PLGRKT: variants seen among roughly 807,000 people sequenced by gnomAD.
PLGRKT encodes the protein plasminogen receptor (KT).
A neutral mutation model predicts 18.5 loss-of-function variants in PLGRKT; 22 were observed. The ratio of observed to expected loss-of-function variants is 1.19; its 90% confidence interval spans 0.85 to 1.70. The LOEUF (loss-of-function observed/expected upper bound fraction) is 1.70. Among genes scored for constraint, PLGRKT ranks in the 40% most tolerant of loss-of-function variants. The probability of loss-of-function intolerance (pLI) is 0.00; values close to 1 mark genes in which losing one functional copy is unlikely to be tolerated. For missense variants in PLGRKT, 235 were observed against 174.4 expected, an observed-to-expected ratio of 1.35 and a Z score of -1.96; for synonymous variants, 72 against 52.8, an observed-to-expected ratio of 1.36 and a Z score of -1.58.
chr9:5,411,394 A>AAAAAAG (rs924847834), intron 3 of PLGRKT, among the ~76,000 whole-genome samples: 1 of 149,874 alleles, frequency 6.7e-6, no homozygotes, highest in Non-Finnish European at 1.5e-5. Context: ...CAAAAAAAAA[A>AAAAAAG]AAAAAGAAAA....
At position 5,431,778 on chromosome 9, in the gene PLGRKT, G is replaced by C. The variant is rs1341998009; in HGVS notation, c.81+119C>G. The C allele has an allele frequency of 6.6e-6, 4 of 607,506 alleles. No homozygotes were observed. In the East Asian group the frequency reaches 1.1e-4, roughly 17 times the overall value. The allele number at this position is 607,506 out of a possible 1,614,324, so 37.6% of individuals were successfully genotyped here. ...GTAAGCCATTTTATCTTGGTTTTAA[G>C]GATGCAGCCCAAAGAACATTTTATT... On this transcript the variant is annotated intron_variant, in intron 3 of 5. Coordinates refer to ENST00000223864, the MANE Select transcript of PLGRKT (RefSeq NM_018465.4).
chr9:5,416,722 T>C (rs1355344800), intron 3 of PLGRKT, among the ~76,000 whole-genome samples: 1 of 152,218 alleles, frequency 6.6e-6, no homozygotes, highest in African/African-American at 2.4e-5. Context: ...CTAAAAACTG[T>C]GTGTCTGCCC....
At chr9:5,381,986 G>A in intron 3 of PLGRKT, 3 of 985,284 alleles carry the variant, frequency 3.0e-6, no homozygotes, top group Non-Finnish European at 3.6e-6. Flanking sequence ...CTCCTCCCCT[G>A]GCTTGTTTAC....
At chr9:5,380,029 A>T (rs1817708307) in intron 3 of PLGRKT, among the ~76,000 whole-genome samples, 1 of 152,254 alleles carries the variant, frequency 6.6e-6, no homozygotes, top group East Asian at 1.9e-4. Context: ...AGAATGATTA[A>T]ATAAATTCTG....
intron 3 of PLGRKT, among the ~76,000 whole-genome samples, chr9:5,384,968 A>T (rs1817814724): frequency 6.6e-6 from 1 of 152,216 alleles, no homozygotes; most frequent in South Asian, 2.1e-4. Context: ...TTTATTTAAC[A>T]AGAGCAACAG....
At chr9:5,404,880 C>A (rs937633533) in intron 3 of PLGRKT, among the ~76,000 whole-genome samples, 2 of 152,136 alleles carry the variant, frequency 1.3e-5, no homozygotes, top group African/African-American at 4.8e-5. Context: ...TAGAAAACCC[C>A]ATTGACTCAG....
At chr9:5,390,932 T>C (rs1817938634) in intron 3 of PLGRKT, among the ~76,000 whole-genome samples, 1 of 151,960 alleles carries the variant, frequency 6.6e-6, no homozygotes, top group Admixed American at 6.5e-5. Context: ...CAGAAAATTA[T>C]AATAAGGGGG....
At chr9:5,384,307 AG>A (rs1817801520) in intron 3 of PLGRKT, among the ~76,000 whole-genome samples, 1 of 152,256 alleles carries the variant, frequency 6.6e-6, no homozygotes. Flanking sequence ...AGAACAAGAC[AG>A]GGGAATCTTT....
chr9:5,429,119 G>A (rs945339019), intron 3 of PLGRKT, among the ~76,000 whole-genome samples: 4 of 152,174 alleles, frequency 2.6e-5, no homozygotes, highest in Non-Finnish European at 5.9e-5. Context: ...TCAAGATACT[G>A]TGATGTGTGT....
rs546836327 is a variant in PLGRKT at position 5,395,996 on chromosome 9, C to T, written c.82-34108G>A. ...GCAACCTCCACCTCCCGAGTTCAAG[C>T]GATTCTCCTGCCTTAGCCTCCCAAG... On this transcript the variant is annotated intron_variant, in intron 3 of 5. Transcript: ENST00000223864. Among the ~76,000 whole-genome samples the T allele has an allele frequency of 1.0e-4, 15 of 149,434 alleles. 1 individual carries two copies. Among genetic ancestry groups the T allele is most frequent in the Admixed American group, 3.4e-4 (5 of 14,916 alleles).
intron 3 of PLGRKT, among the ~76,000 whole-genome samples, chr9:5,389,604 A>G (rs1229637824): frequency 2.0e-5 from 3 of 151,976 alleles, no homozygotes; most frequent in East Asian, 1.9e-4. Context: ...TAACTGATCT[A>G]GGAAGACCCC....
intron 3 of PLGRKT, among the ~76,000 whole-genome samples, chr9:5,426,499 G>A (rs950932097): frequency 6.6e-6 from 1 of 152,172 alleles, no homozygotes; most frequent in Non-Finnish European, 1.5e-5. Flanking sequence ...CAGAACTCAA[G>A]TATCTCTAGA....
chr9:5,391,131 T>C (rs1817942066), intron 3 of PLGRKT, among the ~76,000 whole-genome samples: 1 of 151,982 alleles, frequency 6.6e-6, no homozygotes. Context: ...TTGACTTAAA[T>C]GGTTAAATGC....
At chr9:5,374,043 T>C (rs1817579863) in intron 3 of PLGRKT, among the ~76,000 whole-genome samples, 1 of 152,204 alleles carries the variant, frequency 6.6e-6, no homozygotes, top group Admixed American at 6.5e-5. Flanking sequence ...GATAATAGCA[T>C]CACCTTCTGG....
chr9:5,429,163 C>T (rs1818764613), intron 3 of PLGRKT, among the ~76,000 whole-genome samples: 1 of 152,190 alleles, frequency 6.6e-6, no homozygotes, highest in South Asian at 2.1e-4. Context: ...TACAAATGTA[C>T]AATGACATTG....
intron 3 of PLGRKT, among the ~76,000 whole-genome samples, chr9:5,429,458 A>C (rs1394595717): frequency 1.3e-5 from 2 of 152,214 alleles, no homozygotes; most frequent in African/African-American, 4.8e-5. Context: ...TCTGAAGGGG[A>C]GAAATCTAAA....
At chr9:5,421,871 G>A (rs2131161218) in intron 3 of PLGRKT, among the ~76,000 whole-genome samples, 1 of 152,274 alleles carries the variant, frequency 6.6e-6, no homozygotes, top group South Asian at 2.1e-4. Flanking sequence ...CCAAAGATGG[G>A]ATAACTTGAG....
chr9:5,397,167 A>G (rs1818065766), intron 3 of PLGRKT, among the ~76,000 whole-genome samples: 1 of 151,972 alleles, frequency 6.6e-6, no homozygotes, highest in Non-Finnish European at 1.5e-5. Flanking sequence ...GTGGCAACAG[A>G]TTGTAGGCTA....
intron 1 of PLGRKT, chr9:5,437,564 C>G (rs1315595726): frequency 6.6e-6 from 1 of 152,286 alleles, no homozygotes; most frequent in African/African-American, 2.4e-5. Flanking sequence ...TATTTTAAAG[C>G]TACGGAGAGA....
Sources: gnomAD v4.1 joint callset for allele counts (sites outside exome capture counted in the v4.1 genomes callset) on GRCh38, gnomAD v4.1.1 for gene constraint, MANE v1.5 for transcripts, NCBI Gene and HGNC (gene_info 2026-07-23, HGNC 2026-07-21) for gene names.